Variants in SYNE2 observed in about 807,000 individuals in gnomAD.
The protein encoded by SYNE2 is nesprin-2.
Under a neutral mutation model 856.3 loss-of-function variants are expected in SYNE2, and 431 were observed. That is an observed-to-expected ratio of 0.50 (90% CI 0.47 to 0.55). The LOEUF is 0.55. SYNE2 is among the 20% of genes least tolerant of loss of function. SYNE2 has a pLI of 0.00. For missense variants in SYNE2, 8,129 were observed against 8,023.2 expected (o/e 1.01, Z -0.50); for synonymous variants, 2,923 against 2,872.3 (o/e 1.02, Z -0.56).
intron 77 of SYNE2, among the ~76,000 whole-genome samples, 192 bp from the exon 78 acceptor site, chr14:64,133,877 G>A (rs2098054136): frequency 6.6e-6 from 1 of 152,164 alleles, no homozygotes; most frequent in African/African-American, 2.4e-5. Flanking sequence ...TGTCCTCAAA[G>A]GTGATGGAAT....
chr14:64,100,860 A>AG (rs1412886858), intron 63 of SYNE2, among the ~76,000 whole-genome samples: 1 of 147,582 alleles, frequency 6.8e-6, no homozygotes, highest in African/African-American at 2.6e-5. Flanking sequence ...TGCTTCTATG[A>AG]GTTTTTTTTT....
intron 1 of SYNE2, among the ~76,000 whole-genome samples, chr14:63,905,562 C>T (rs896023922): frequency 1.3e-5 from 2 of 152,088 alleles, no homozygotes; most frequent in Admixed American, 1.3e-4. Flanking sequence ...ATCTTTGTGG[C>T]TATTGTAAAC....
At chr14:64,171,639 A>G (rs2098411305) in intron 94 of SYNE2, among the ~76,000 whole-genome samples, 1 of 152,190 alleles carries the variant, frequency 6.6e-6, no homozygotes, top group Admixed American at 6.5e-5. Flanking sequence ...AGTCCCCAAG[A>G]TGAGAACAAG....
upstream of SYNE2, among the ~76,000 whole-genome samples, chr14:63,849,779 G>A (rs1890345484): frequency 6.6e-6 from 1 of 152,186 alleles, no homozygotes. Context: ...TTAATGGCAT[G>A]AGGATGGCCA....
intron 1 of SYNE2, among the ~76,000 whole-genome samples, chr14:63,843,187 C>T (rs1456838095): frequency 6.6e-6 from 1 of 151,830 alleles, no homozygotes; most frequent in Non-Finnish European, 1.5e-5. Flanking sequence ...TAGGTGTGCC[C>T]CACCATACCA....
chr14:63,977,953 G>A lies in SYNE2; in HGVS notation c.1342G>A (p.Glu448Lys). ...TCATTCGAACATTCTCCTTACCTTT[G>A]AAAATAAGGATGAAAATCACTTGCC... ...EHHSNILLTFENKDENHLPLV... is the reference protein window; with the variant it reads ...EHHSNILLTFKNKDENHLPLV... The change falls in exon 13 of 116, where the codon GAA becomes AAA. Residue 448 changes from glutamate to lysine, a missense_variant. By Grantham distance (56) the Glu-to-Lys change is moderately conservative (BLOSUM62 1). Transcript: ENST00000555002. 1 of 1,613,930 alleles carries A rather than the reference G, an allele frequency of 6.2e-7. No homozygotes were observed. Among genetic ancestry groups the A allele is most frequent in the East Asian group, 2.2e-5 (1 of 44,862 alleles).
At chr14:64,040,939 A>T (rs979393002) in intron 45 of SYNE2, among the ~76,000 whole-genome samples, 3 of 152,116 alleles carry the variant, frequency 2.0e-5, no homozygotes, top group African/African-American at 4.8e-5. Flanking sequence ...GTAAAACACC[A>T]GAGCCAAAAA....
chr14:63,985,300 A>G (rs1594671446), intron 18 of SYNE2, among the ~76,000 whole-genome samples: 1 of 145,530 alleles, frequency 6.9e-6, no homozygotes, highest in African/African-American at 2.6e-5. Context: ...ACCGCACTCC[A>G]GCCTGGGTGA....
At chr14:63,959,544 G>T (rs34581223) in intron 8 of SYNE2, among the ~76,000 whole-genome samples, 1 of 151,662 alleles carries the variant, frequency 6.6e-6, no homozygotes, top group African/African-American at 2.4e-5. Context: ...GTGATTCGCC[G>T]CCTTGACCTC....
chr14:63,967,705 G>A lies in SYNE2; in HGVS notation c.991-4G>A. The A allele has an allele frequency of 1.2e-6, 2 of 1,613,640 alleles. No homozygotes were observed. Among genetic ancestry groups the A allele is most frequent in the Non-Finnish European group, 1.7e-6 (2 of 1,179,694 alleles). Reference sequence around the variant, plus strand: ...CAATCTTTAAAATACTCTTCTAATTGCAGAGCCTGCTGTCCTTTATGGAGT... The same window carrying A: ...CAATCTTTAAAATACTCTTCTAATTACAGAGCCTGCTGTCCTTTATGGAGT... On this transcript the variant is annotated splice_polypyrimidine_tract_variant and splice_region_variant and intron_variant, in intron 10 of 115. Coordinates refer to ENST00000555002, the MANE Select transcript of SYNE2 (RefSeq NM_182914.3).
At chr14:63,918,729 A>G (rs116599430) in intron 2 of SYNE2, among the ~76,000 whole-genome samples, 1 of 152,206 alleles carries the variant, frequency 6.6e-6, no homozygotes, top group African/African-American at 2.4e-5. Flanking sequence ...TTTACTGCAC[A>G]GGGGATTTCA....
At chr14:63,966,204 C>G (rs1376134139) in intron 10 of SYNE2, among the ~76,000 whole-genome samples, 2 of 152,024 alleles carry the variant, frequency 1.3e-5, no homozygotes, top group Non-Finnish European at 2.9e-5. Flanking sequence ...TACTTTCACA[C>G]TACAACCCCA....
chr14:64,079,861 A>C (rs1360410040), intron 55 of SYNE2, among the ~76,000 whole-genome samples: 2 of 152,034 alleles, frequency 1.3e-5, no homozygotes, highest in Admixed American at 1.3e-4. Context: ...GGTGTGCGCC[A>C]CTACACCTGG....
intron 107 of SYNE2, 49 bp downstream of exon 107, chr14:64,215,403 A>C (rs748186159): frequency 1.3e-6 from 2 of 1,575,106 alleles, no homozygotes; most frequent in South Asian, 2.2e-5. Flanking sequence ...CCTGTGGCGC[A>C]CACTGCATCC....
chr14:64,130,081 G>C lies in SYNE2; in HGVS notation c.14173G>C (p.Ala4725Pro). The change falls in exon 76 of 116, where the codon GCC (alanine) becomes CCC (proline). Residue 4725 changes from alanine (A) to proline (P), a missense_variant. This residue lies in a region of SYNE2 where 5,410 missense variants were observed against 5,284.8 expected (regional missense o/e 1.02). Coordinates refer to ENST00000555002, the MANE Select transcript of SYNE2 (RefSeq NM_182914.3). ...VLDSMWGMLR[A>P]RYTELSSPFV... ...TGACAGTATGTGGGGAATGCTAAGA[G>C]CCAGGTACACAGAACTCAGCAGCCC... is the stretch of plus-strand genomic sequence containing the variant. 1 of 1,614,072 alleles carries C rather than the reference G, an allele frequency of 6.2e-7. No individual in the cohort carries two copies. The highest frequency in any genetic ancestry group is 8.5e-7 in the Non-Finnish European group (1 of 1,180,038).
chr14:64,209,240 C>A, intron 101 of SYNE2, 188 bp from the exon 102 acceptor site: 1 of 997,024 alleles, frequency 1.0e-6, no homozygotes, highest in Non-Finnish European at 1.5e-6. Flanking sequence ...CTCTGTGAAG[C>A]AGGAGCTCTG....
In SYNE2 at chr14:64,052,549, C is replaced by A; in HGVS notation, c.8636C>A (p.Ala2879Glu). The part of the protein sequence containing the change: ...ELKHHHVTLE[A>E]SQKELQEIDS... ...AAACATCACCATGTTACTTTGGAGGCATCTCAGAAGGAATTGCAAGAAATT... is the reference window on the plus strand; with the variant it reads ...AAACATCACCATGTTACTTTGGAGGAATCTCAGAAGGAATTGCAAGAAATT... The change falls in exon 48 of 116, where the codon GCA becomes GAA. Residue 2879 changes from alanine (A) to glutamate (E), a missense_variant. Physicochemically the swap from Ala to Glu is moderately radical, Grantham distance 107. Coordinates refer to ENST00000555002, the MANE Select transcript of SYNE2 (RefSeq NM_182914.3). 6.2e-7 allele frequency: 1 copy of A among 1,614,126 alleles called. No individual in the cohort carries two copies. The highest frequency in any genetic ancestry group is 8.5e-7 in the Non-Finnish European group (1 of 1,180,034).
At chr14:63,829,152 C>G (rs955751679) in intron 1 of SYNE2, among the ~76,000 whole-genome samples, 5 of 152,092 alleles carry the variant, frequency 3.3e-5, no homozygotes, top group Non-Finnish European at 7.4e-5. Flanking sequence ...GTAGCTCACA[C>G]TTGTAATTTC....
At chr14:63,865,722 C>CCA (rs1555352384) in intron 1 of SYNE2, among the ~76,000 whole-genome samples, 2 of 112,190 alleles carry the variant, frequency 1.8e-5, no homozygotes, top group African/African-American at 7.2e-5. Flanking sequence ...CCACCCCCCC[C>CCA]CCAAAAAAAA....
Sources: allele counts gnomAD v4.1 joint callset (sites outside exome capture counted in the v4.1 genomes callset), GRCh38; gene constraint gnomAD v4.1.1; regional missense constraint gnomAD v4.1.1; transcripts MANE v1.5; gene names NCBI Gene and HGNC (gene_info 2026-07-23, HGNC 2026-07-21).